The following NPAS3 variants were observed in gnomAD, a reference collection of about 807,000 sequenced individuals.
NPAS3 encodes the protein neuronal PAS domain protein 3.
NPAS3 carries 14 observed loss-of-function variants against 73.1 expected under a neutral mutation model. The observed-to-expected ratio is 0.19, with a 90% CI of 0.13 to 0.30. NPAS3 has a LOEUF of 0.30. NPAS3 is among the 10% of genes least tolerant of loss of function. The probability of loss-of-function intolerance (pLI) is 1.00; values close to 1 mark genes in which losing one functional copy is unlikely to be tolerated. For synonymous variants in NPAS3, 620 were observed against 541.5 expected, an observed-to-expected ratio of 1.14 and a Z score of -2.01; for missense variants, 1,096 against 1,250.0, an observed-to-expected ratio of 0.88 and a Z score of 1.86.
At chr14:33,388,347 A>G (rs1170692024) in intron 4 of NPAS3, among the ~76,000 whole-genome samples, 1 of 152,208 alleles carries the variant, frequency 6.6e-6, no homozygotes, top group Admixed American at 6.6e-5. Flanking sequence ...TGATTTCAGC[A>G]TGATGGGCAG....
intron 4 of NPAS3, among the ~76,000 whole-genome samples, chr14:33,453,673 GT>G (rs2049900829): frequency 6.6e-6 from 1 of 152,182 alleles, no homozygotes; most frequent in Admixed American, 6.5e-5. Flanking sequence ...GATTTCACCA[GT>G]TCGGATTTTA....
intron 4 of NPAS3, among the ~76,000 whole-genome samples, chr14:33,406,817 T>G (rs1170047383): frequency 2.0e-5 from 3 of 152,034 alleles, no homozygotes; most frequent in African/African-American, 7.2e-5. Context: ...AGAACCAAAA[T>G]TTATGAATAC....
chr14:33,289,926 T>C (rs2042031694), intron 3 of NPAS3, among the ~76,000 whole-genome samples: 1 of 152,130 alleles, frequency 6.6e-6, no homozygotes, highest in South Asian at 2.1e-4. Context: ...ACCAAGAAAT[T>C]CCTGTCTGAT....
chr14:33,352,651 TC>T (rs1295342770), intron 3 of NPAS3, among the ~76,000 whole-genome samples: 1 of 152,212 alleles, frequency 6.6e-6, no homozygotes, highest in Non-Finnish European at 1.5e-5. Flanking sequence ...ACAGCTGTCT[TC>T]CCATCTTTTT....
chr14:33,434,401 C>T (rs760703672), intron 4 of NPAS3, among the ~76,000 whole-genome samples: 12 of 151,808 alleles, frequency 7.9e-5, no homozygotes, highest in Non-Finnish European at 1.6e-4. Flanking sequence ...GTGGTGCACA[C>T]CTGTAGGTCC....
At chr14:33,362,923 T>C (rs1233093442) in intron 3 of NPAS3, among the ~76,000 whole-genome samples, 1 of 152,112 alleles carries the variant, frequency 6.6e-6, no homozygotes, top group African/African-American at 2.4e-5. Context: ...CTTCAAGTGA[T>C]CCCTCCAATA....
chr14:33,173,217 G>A (rs994814049), intron 2 of NPAS3, among the ~76,000 whole-genome samples: 7 of 152,276 alleles, frequency 4.6e-5, no homozygotes, highest in African/African-American at 7.2e-5. Flanking sequence ...AAACTAGGTT[G>A]TAGCAAGCTA....
chr14:33,541,096 GGTGTGTGTGTGTGT>G (rs140503260), intron 4 of NPAS3, among the ~76,000 whole-genome samples: 5 of 142,858 alleles, frequency 3.5e-5, no homozygotes, highest in African/African-American at 1.4e-4. Context: ...TATGTTTAGA[GGTGTGTGTGTGTGT>G]GTGTGTGTGT....
chr14:32,980,073 CA>C (rs1328034843), intron 1 of NPAS3, among the ~76,000 whole-genome samples: 1 of 152,196 alleles, frequency 6.6e-6, no homozygotes, highest in Non-Finnish European at 1.5e-5. Flanking sequence ...GAACATATCA[CA>C]TATCCAGACC....
intron 3 of NPAS3, among the ~76,000 whole-genome samples, chr14:33,318,682 A>G (rs189586192): frequency 5.3e-5 from 8 of 152,230 alleles, no homozygotes; most frequent in African/African-American, 1.2e-4. Flanking sequence ...TCACTTTATT[A>G]TACTTCTGAA....
chr14:33,500,735 C>G (rs2052471200), intron 4 of NPAS3, among the ~76,000 whole-genome samples: 1 of 151,900 alleles, frequency 6.6e-6, no homozygotes, highest in African/African-American at 2.4e-5. Flanking sequence ...AGGCAAATCC[C>G]TGTCAGGCAG....
At position 33,208,342 on chromosome 14, in the gene NPAS3, A is replaced by T. The variant is rs115470891; in HGVS notation, c.141-6840A>T. 1.7e-3 allele frequency among the ~76,000 whole-genome samples: 260 copies of T among 152,324 alleles called. 1 individual carries two copies. Among genetic ancestry groups the T allele is most frequent in the African/African-American group, 4.9e-3 (205 of 41,584 alleles). On this transcript the variant is annotated intron_variant, in intron 2 of 11. Transcript: ENST00000356141. ...TACTATTCTAATGACTCATTCTGGAATTAAATCCTCTTATTTAAAGTGTTA... is the reference window on the plus strand; with the variant it reads ...TACTATTCTAATGACTCATTCTGGATTTAAATCCTCTTATTTAAAGTGTTA...
intron 3 of NPAS3, among the ~76,000 whole-genome samples, chr14:33,219,130 C>CCTT (rs1296056190): frequency 2.0e-5 from 3 of 152,164 alleles, no homozygotes. Context: ...AGCTAAATAA[C>CCTT]TGATGATTGT....
intron 4 of NPAS3, among the ~76,000 whole-genome samples, chr14:33,479,498 G>A (rs1348091676): frequency 6.6e-6 from 1 of 152,060 alleles, no homozygotes; most frequent in Non-Finnish European, 1.5e-5. Context: ...TGTTATAGAT[G>A]ACAATAAAAT....
chr14:32,939,803 G>A (rs192275389), intron 1 of NPAS3, among the ~76,000 whole-genome samples: 1 of 151,784 alleles, frequency 6.6e-6, no homozygotes, highest in Non-Finnish European at 1.5e-5. Context: ...TGGGGAGGGG[G>A]AGGGAAGGCG....
At chr14:33,071,630 C>T (rs1052640749) in intron 2 of NPAS3, among the ~76,000 whole-genome samples, 5 of 152,004 alleles carry the variant, frequency 3.3e-5, no homozygotes, top group African/African-American at 1.2e-4. Flanking sequence ...TATATAATTG[C>T]AACATTTACT....
intron 7 of NPAS3, among the ~76,000 whole-genome samples, chr14:33,757,940 A>T (rs1018686439): frequency 6.6e-5 from 10 of 152,056 alleles, no homozygotes; most frequent in African/African-American, 2.2e-4. Context: ...ACACAGATGG[A>T]CTCTGAGCTC....
At chr14:32,959,339 G>A (rs1285773527) in intron 1 of NPAS3, among the ~76,000 whole-genome samples, 1 of 152,140 alleles carries the variant, frequency 6.6e-6, no homozygotes, top group Non-Finnish European at 1.5e-5. Context: ...TAATACAGTT[G>A]TGAGGGTGTG....
chr14:33,089,614 C>T (rs2042154714), intron 2 of NPAS3, among the ~76,000 whole-genome samples: 1 of 152,130 alleles, frequency 6.6e-6, no homozygotes, highest in Non-Finnish European at 1.5e-5. Flanking sequence ...ACCTAGCAGG[C>T]AGGCCAACAT....
Sources: allele counts gnomAD v4.1 joint callset (sites outside exome capture counted in the v4.1 genomes callset), GRCh38; gene constraint gnomAD v4.1.1; transcripts MANE v1.5; gene names NCBI Gene and HGNC (gene_info 2026-07-23, HGNC 2026-07-21).